Variants in WDR64 observed in about 807,000 individuals in gnomAD.
WDR64 encodes WD repeat-containing protein 64.
WDR64 carries 112 observed loss-of-function variants against 139.3 expected under a neutral mutation model. The observed-to-expected ratio is 0.80, with a 90% CI of 0.69 to 0.94. The LOEUF is 0.94. Among genes scored for constraint, WDR64 ranks in the 40% least tolerant of loss-of-function variants. The pLI is 0.00. For missense variants in WDR64, 1,206 were observed against 1,293.1 expected (o/e 0.93, Z 1.03); for synonymous variants, 444 against 437.7 (o/e 1.01, Z -0.18).
At chr1:241,789,092 A>G (rs1659140709) in intron 24 of WDR64, among the ~76,000 whole-genome samples, 1 of 152,116 alleles carries the variant, frequency 6.6e-6, no homozygotes, top group South Asian at 2.1e-4. Flanking sequence ...CAGGCACTCA[A>G]AAGATATTTA....
chr1:241,799,220 AAAATAC>A (rs1404128408), intron 27 of WDR64, among the ~76,000 whole-genome samples: 2 of 133,948 alleles, frequency 1.5e-5, no homozygotes, highest in African/African-American at 5.3e-5. Flanking sequence ...AAAAAAAAAA[AAAATAC>A]AAAAATTAGC....
At chr1:241,789,454 A>G (rs1659151196) in intron 24 of WDR64, among the ~76,000 whole-genome samples, 1 of 152,240 alleles carries the variant, frequency 6.6e-6, no homozygotes, top group African/African-American at 2.4e-5. Flanking sequence ...ACTATTCACA[A>G]TAGCAAAGAC....
At chr1:241,704,761 T>C (rs1461411541) in intron 8 of WDR64, among the ~76,000 whole-genome samples, 4 of 152,190 alleles carry the variant, frequency 2.6e-5, no homozygotes, top group Admixed American at 6.5e-5. Context: ...AATCAGTTAA[T>C]AGGGTATTAA....
chr1:241,789,237 G>T (rs1453480298), intron 24 of WDR64, among the ~76,000 whole-genome samples: 1 of 152,148 alleles, frequency 6.6e-6, no homozygotes, highest in Non-Finnish European at 1.5e-5. Context: ...ATGTTATGTT[G>T]TTATTGCTCA....
At chr1:241,712,222 A>G (rs1286611857) in intron 9 of WDR64, among the ~76,000 whole-genome samples, 2 of 152,008 alleles carry the variant, frequency 1.3e-5, no homozygotes, top group Non-Finnish European at 2.9e-5. Flanking sequence ...CCCGGCACTT[A>G]TGTGTGTGCG....
intron 16 of WDR64, among the ~76,000 whole-genome samples, chr1:241,768,025 C>T (rs1383574655): frequency 6.6e-6 from 1 of 152,196 alleles, no homozygotes; most frequent in Non-Finnish European, 1.5e-5. Flanking sequence ...ATGACTCTTT[C>T]CTAAGAAGGG....
chr1:241,780,101 C>G (rs375203844), intron 22 of WDR64, 39 bp downstream of exon 22: 65 of 1,498,206 alleles, frequency 4.3e-5, no homozygotes, highest in Non-Finnish European at 5.9e-5. Context: ...TATGAGTCAG[C>G]ATATATTTAT....
At chr1:241,766,531 T>C (rs920321690) in intron 16 of WDR64, among the ~76,000 whole-genome samples, 180 bp downstream of exon 16, 2 of 152,136 alleles carry the variant, frequency 1.3e-5, no homozygotes, top group African/African-American at 4.8e-5. Flanking sequence ...TGAAACCCTG[T>C]CTCTACTAAA....
chr1:241,783,259 T>C lies in WDR64; in HGVS notation c.2596-13T>C. On this transcript the variant is annotated splice_polypyrimidine_tract_variant and intron_variant, in intron 22 of 27. Coordinates refer to ENST00000437684, the MANE Select transcript of WDR64 (RefSeq NM_001367482.1). ...AGTTATTCCGAGGAATATGCCTTGT[T>C]TTTGCTATCTAGAAATTCAAGCAGC... is the stretch of plus-strand genomic sequence containing the variant. The C allele has an allele frequency of 6.2e-7, 1 of 1,608,920 alleles. No homozygotes were observed. The highest frequency in any genetic ancestry group is 1.1e-5 in the South Asian group (1 of 90,536).
intron 8 of WDR64, among the ~76,000 whole-genome samples, chr1:241,687,921 A>ACAGGT (rs1464255630): frequency 6.6e-6 from 1 of 152,226 alleles, no homozygotes. Context: ...AATCATTCTT[A>ACAGGT]CAGGTCAGTT....
In WDR64 at chr1:241,683,669, A is replaced by C. The variant is rs1666902475; in HGVS notation, c.807A>C (p.Gln269His). 6.4e-7 allele frequency: 1 copy of C among 1,551,436 alleles called. No individual in the cohort carries two copies. Among genetic ancestry groups the C allele is most frequent in the Non-Finnish European group, 8.7e-7 (1 of 1,146,836 alleles). The change falls in exon 7 of 28, where the codon CAA becomes CAC. Residue 269 changes from glutamine (Q) to histidine (H), a missense_variant. Transcript: ENST00000437684. ...IKQAKSKRKLQNQVLDSKNFK... is the reference protein window; with the variant it reads ...IKQAKSKRKLHNQVLDSKNFK... ...AGGCAAAATCCAAAAGAAAATTACAAAATCAGGTCTTAGACTCAAAGAACT... is the reference window on the plus strand; with the variant it reads ...AGGCAAAATCCAAAAGAAAATTACACAATCAGGTCTTAGACTCAAAGAACT...
chr1:241,762,342 A>G (rs547104798), intron 15 of WDR64, among the ~76,000 whole-genome samples: 1 of 152,224 alleles, frequency 6.6e-6, no homozygotes, highest in East Asian at 1.9e-4. Flanking sequence ...TATATGTTGA[A>G]TTCAACAACT....
chr1:241,713,513 G>T (rs1380060569), intron 9 of WDR64, among the ~76,000 whole-genome samples: 2 of 94,616 alleles, frequency 2.1e-5, no homozygotes, highest in African/African-American at 8.9e-5. Context: ...AAAAAAGAAA[G>T]AAAGAAAGAG....
At chr1:241,719,083 C>G (rs1668510043) in intron 9 of WDR64, among the ~76,000 whole-genome samples, 1 of 152,008 alleles carries the variant, frequency 6.6e-6, no homozygotes, top group South Asian at 2.1e-4. Flanking sequence ...TTTTTTTCAG[C>G]CTGCCTTTAA....
chr1:241,708,070 G>A (rs1668021494), intron 8 of WDR64, among the ~76,000 whole-genome samples: 1 of 152,160 alleles, frequency 6.6e-6, no homozygotes, highest in African/African-American at 2.4e-5. Context: ...GCCAAAGAGT[G>A]CTTGTTCTTT....
At chr1:241,792,755 T>C (rs1659246012) in intron 25 of WDR64, among the ~76,000 whole-genome samples, 1 of 151,968 alleles carries the variant, frequency 6.6e-6, no homozygotes, top group East Asian at 1.9e-4. Flanking sequence ...ATATCAAGGG[T>C]TGGTGTTTTG....
chr1:241,771,116 A>G (rs1658410507), intron 18 of WDR64, among the ~76,000 whole-genome samples: 1 of 152,198 alleles, frequency 6.6e-6, no homozygotes. Flanking sequence ...CTCAGTTCCA[A>G]TTTTATATAT....
At chr1:241,747,019 C>A (rs560749384) in intron 13 of WDR64, among the ~76,000 whole-genome samples, 1 of 152,278 alleles carries the variant, frequency 6.6e-6, no homozygotes, top group Admixed American at 6.5e-5. Flanking sequence ...CTTTGGCATC[C>A]CAAAGTGCTG....
intron 15 of WDR64, among the ~76,000 whole-genome samples, chr1:241,759,279 G>A (rs1211630203): frequency 1.3e-5 from 2 of 152,014 alleles, no homozygotes; most frequent in Non-Finnish European, 2.9e-5. Flanking sequence ...TCAAATTACT[G>A]TGCTTTAAAA....
Sources: gnomAD v4.1 joint callset for allele counts (sites outside exome capture counted in the v4.1 genomes callset) on GRCh38, gnomAD v4.1.1 for gene constraint, MANE v1.5 for transcripts, NCBI Gene and HGNC (gene_info 2026-07-23, HGNC 2026-07-21) for gene names.